UBE2H: variants seen among roughly 807,000 people sequenced by gnomAD.
UBE2H encodes ubiquitin-conjugating enzyme E2 H.
UBE2H carries 3 observed loss-of-function variants against 29.0 expected under a neutral mutation model. The observed-to-expected ratio is 0.10, with a 90% CI of 0.05 to 0.27. UBE2H has a LOEUF of 0.27. UBE2H is among the 10% of genes least tolerant of loss of function. UBE2H has a pLI of 1.00. For missense variants in UBE2H, 68 were observed against 228.2 expected (o/e 0.30, Z 4.52); for synonymous variants, 69 against 82.9 (o/e 0.83, Z 0.91).
intron 1 of UBE2H, among the ~76,000 whole-genome samples, chr7:129,946,941 A>G (rs1015445469): frequency 3.9e-5 from 6 of 152,230 alleles, no homozygotes; most frequent in African/African-American, 7.2e-5. Flanking sequence ...TAAAAATCCA[A>G]TGATTCTTGG....
intron 1 of UBE2H, among the ~76,000 whole-genome samples, chr7:129,903,221 G>C (rs914756779): frequency 1.3e-5 from 2 of 152,206 alleles, no homozygotes; most frequent in African/African-American, 4.8e-5. Flanking sequence ...ACTCAGCTGT[G>C]CTTATCCTTG....
chr7:129,949,667 A>G (rs1449932399), intron 1 of UBE2H, among the ~76,000 whole-genome samples: 1 of 152,192 alleles, frequency 6.6e-6, no homozygotes, highest in African/African-American at 2.4e-5. Context: ...GACTCCAAAC[A>G]ACAACCAGAG....
chr7:129,845,130 CAT>C (rs755549691), intron 5 of UBE2H, among the ~76,000 whole-genome samples: 2 of 152,122 alleles, frequency 1.3e-5, no homozygotes, highest in African/African-American at 4.8e-5. Flanking sequence ...ACTCCCAAAT[CAT>C]AAACAACTTA....
chr7:129,952,052 T>C (rs905263298), intron 1 of UBE2H, among the ~76,000 whole-genome samples: 1 of 151,968 alleles, frequency 6.6e-6, no homozygotes, highest in Non-Finnish European at 1.5e-5. Context: ...TCAAGCAGCA[T>C]TGTGGTTGGA....
chr7:129,930,228 C>T (rs1457645811), intron 1 of UBE2H, among the ~76,000 whole-genome samples: 1 of 152,100 alleles, frequency 6.6e-6, no homozygotes, highest in Non-Finnish European at 1.5e-5. Context: ...ATGGCACGAT[C>T]TCGGCTCACT....
At chr7:129,881,875 G>A (rs1806261763) in intron 1 of UBE2H, among the ~76,000 whole-genome samples, 1 of 151,978 alleles carries the variant, frequency 6.6e-6, no homozygotes, top group Non-Finnish European at 1.5e-5. Flanking sequence ...TTGTCTCCTT[G>A]GCTTATGGAA....
At chr7:129,844,519 T>C (rs1805479614) in intron 5 of UBE2H, among the ~76,000 whole-genome samples, 1 of 151,962 alleles carries the variant, frequency 6.6e-6, no homozygotes, top group Non-Finnish European at 1.5e-5. Context: ...ACGATAAAAA[T>C]GTGTCAGTTC....
intron 1 of UBE2H, among the ~76,000 whole-genome samples, chr7:129,937,529 C>T (rs981279496): frequency 6.6e-6 from 1 of 152,092 alleles, no homozygotes; most frequent in African/African-American, 2.4e-5. Context: ...TACTTTAATG[C>T]AGGAGCTCGT....
At chr7:129,852,868 G>C (rs185273508) in intron 5 of UBE2H, among the ~76,000 whole-genome samples, 43 of 152,232 alleles carry the variant, frequency 2.8e-4, no homozygotes, top group Admixed American at 9.2e-4. Context: ...TGGAATTACA[G>C]GTATGCGCCA....
At chr7:129,853,539 T>C (rs992022067) in intron 5 of UBE2H, among the ~76,000 whole-genome samples, 1 of 152,244 alleles carries the variant, frequency 6.6e-6, no homozygotes, top group South Asian at 2.1e-4. Flanking sequence ...ATGGCAAGCA[T>C]CTTACAAAAT....
intron 6 of UBE2H, among the ~76,000 whole-genome samples, chr7:129,835,604 G>A (rs1805308876): frequency 6.6e-6 from 1 of 152,138 alleles, no homozygotes; most frequent in Non-Finnish European, 1.5e-5. Context: ...CTGCTATACG[G>A]AGACACCACT....
intron 3 of UBE2H, among the ~76,000 whole-genome samples, chr7:129,874,372 C>T (rs1269054097): frequency 1.3e-5 from 2 of 150,878 alleles, no homozygotes; most frequent in African/African-American, 2.4e-5. Flanking sequence ...TGCAGTGGCA[C>T]GATCTTGGCT....
intron 3 of UBE2H, among the ~76,000 whole-genome samples, chr7:129,864,552 C>CTTTTTT (rs757244811): frequency 2.6e-5 from 2 of 75,668 alleles, no homozygotes; most frequent in Non-Finnish European, 2.6e-5. Context: ...TTTTTCTTTT[C>CTTTTTT]TTTCTTTTTT....
chr7:129,949,301 G>A (rs1807828529), intron 1 of UBE2H, among the ~76,000 whole-genome samples: 1 of 152,194 alleles, frequency 6.6e-6, no homozygotes, highest in African/African-American at 2.4e-5. Context: ...CAGCTGGTTG[G>A]AGGTGGAAAC....
chr7:129,892,039 G>A (rs886680824), intron 1 of UBE2H, among the ~76,000 whole-genome samples: 7 of 144,408 alleles, frequency 4.8e-5, no homozygotes, highest in Non-Finnish European at 7.5e-5. Context: ...TGCAAGCTCC[G>A]CCTCCCAGGT....
chr7:129,918,362 CTTT>C (rs777719323), intron 1 of UBE2H, among the ~76,000 whole-genome samples: 3 of 139,672 alleles, frequency 2.1e-5, no homozygotes, highest in Non-Finnish European at 1.6e-5. Flanking sequence ...AATCCAAATT[CTTT>C]TTTTTTTTTT....
At chr7:129,870,411 T>G (rs1293616241) in intron 3 of UBE2H, among the ~76,000 whole-genome samples, 1 of 151,830 alleles carries the variant, frequency 6.6e-6, no homozygotes, top group Non-Finnish European at 1.5e-5. Flanking sequence ...AGTATAGGAG[T>G]TCAAGACCAG....
At chr7:129,910,423 A>T (rs2116445619) in intron 1 of UBE2H, among the ~76,000 whole-genome samples, 1 of 152,162 alleles carries the variant, frequency 6.6e-6, no homozygotes, top group Admixed American at 6.5e-5. Context: ...AGGGGAGGGG[A>T]GAGGCATACA....
intron 3 of UBE2H, among the ~76,000 whole-genome samples, chr7:129,873,666 T>C (rs1806089575): frequency 6.6e-6 from 1 of 151,904 alleles, no homozygotes; most frequent in African/African-American, 2.4e-5. Flanking sequence ...TCAAACCCCT[T>C]GTCTCCAGTG....
Sources: allele counts gnomAD v4.1 joint callset (sites outside exome capture counted in the v4.1 genomes callset), GRCh38; gene constraint gnomAD v4.1.1; transcripts MANE v1.5; gene names NCBI Gene and HGNC (gene_info 2026-07-23, HGNC 2026-07-21).